The following SIPA1L1 variants were observed in gnomAD, a reference collection of about 807,000 sequenced individuals.
SIPA1L1 encodes the protein signal induced proliferation associated 1 like 1.
In SIPA1L1, 26 loss-of-function variants were observed where a neutral mutation model predicts 162.7. The observed-to-expected ratio is 0.16, with a 90% CI of 0.12 to 0.22. SIPA1L1 has a LOEUF of 0.22. Among genes scored for constraint, SIPA1L1 ranks in the 10% least tolerant of loss-of-function variants. The pLI, the probability that SIPA1L1 is intolerant of heterozygous loss-of-function variation, is 1.00. For missense variants in SIPA1L1, 1,874 were observed against 2,241.0 expected (o/e 0.84, Z 3.31); for synonymous variants, 829 against 837.4 (o/e 0.99, Z 0.17).
At chr14:71,583,688 G>GA (rs1039790281) in intron 4 of SIPA1L1, among the ~76,000 whole-genome samples, 5 of 151,418 alleles carry the variant, frequency 3.3e-5, no homozygotes, top group Non-Finnish European at 7.4e-5. Context: ...ATCATTTCTT[G>GA]AAAAAAAATT....
intron 2 of SIPA1L1, among the ~76,000 whole-genome samples, chr14:71,343,760 A>G (rs2035889772): frequency 1.3e-5 from 2 of 152,236 alleles, no homozygotes; most frequent in Admixed American, 6.5e-5. Flanking sequence ...CATGCTGTGG[A>G]AGCAGCATCT....
intron 4 of SIPA1L1, among the ~76,000 whole-genome samples, chr14:71,569,453 AC>A (rs1434661321): frequency 2.6e-5 from 4 of 152,152 alleles, no homozygotes; most frequent in Admixed American, 2.6e-4. Context: ...ATTATTTGAA[AC>A]CTTTGTTGCT....
At chr14:71,639,236 G>A (rs543414034) in intron 7 of SIPA1L1, among the ~76,000 whole-genome samples, 59 of 152,248 alleles carry the variant, frequency 3.9e-4, no homozygotes, top group Middle Eastern at 3.4e-3. Flanking sequence ...GTGAGATCCT[G>A]TTTCTGCAAA....
intron 5 of SIPA1L1, among the ~76,000 whole-genome samples, chr14:71,602,738 G>GCAGGAGGTGAGCAA (rs2036928351): frequency 1.3e-5 from 2 of 152,250 alleles, no homozygotes. Flanking sequence ...GAGGTGAGCA[G>GCAGGAGGTGAGCAA]CAGGTGAGCC....
intron 7 of SIPA1L1, among the ~76,000 whole-genome samples, chr14:71,642,375 C>T (rs772464975): frequency 1.3e-5 from 2 of 152,052 alleles, no homozygotes; most frequent in Admixed American, 6.6e-5. Context: ...AGGAGAGAGC[C>T]GTAAACAGTC....
chr14:71,551,210 G>A (rs2055794370), intron 4 of SIPA1L1, among the ~76,000 whole-genome samples: 1 of 152,158 alleles, frequency 6.6e-6, no homozygotes, highest in African/African-American at 2.4e-5. Flanking sequence ...GGAATTGGAA[G>A]CTGTAGTGAG....
At chr14:71,548,636 C>T (rs1290923894) in intron 4 of SIPA1L1, among the ~76,000 whole-genome samples, 1 of 152,040 alleles carries the variant, frequency 6.6e-6, no homozygotes, top group African/African-American at 2.4e-5. Context: ...GTGACTCACA[C>T]CTGTAATCTC....
At chr14:71,696,568 T>G (rs2081646105) in intron 13 of SIPA1L1, among the ~76,000 whole-genome samples, 1 of 152,220 alleles carries the variant, frequency 6.6e-6, no homozygotes, top group Admixed American at 6.5e-5. Context: ...CCACCATAGT[T>G]GAGAACTCCT....
intron 4 of SIPA1L1, among the ~76,000 whole-genome samples, chr14:71,563,459 A>G (rs571591457): frequency 1.3e-5 from 2 of 152,194 alleles, no homozygotes; most frequent in African/African-American, 4.8e-5. Context: ...TTGTTTTTGC[A>G]CTTATATTAC....
chr14:71,436,710 C>T (rs1482526418), intron 2 of SIPA1L1, among the ~76,000 whole-genome samples: 1 of 151,532 alleles, frequency 6.6e-6, no homozygotes, highest in African/African-American at 2.4e-5. Flanking sequence ...TTATAATTGC[C>T]CTCATTGTTC....
intron 2 of SIPA1L1, among the ~76,000 whole-genome samples, chr14:71,453,007 A>G (rs1242343288): frequency 2.0e-5 from 3 of 152,156 alleles, no homozygotes; most frequent in Non-Finnish European, 4.4e-5. Context: ...ACAACATCCA[A>G]ATTTTGCTGC....
At chr14:71,500,016 T>A (rs2050079833) in intron 2 of SIPA1L1, among the ~76,000 whole-genome samples, 1 of 152,218 alleles carries the variant, frequency 6.6e-6, no homozygotes, top group Non-Finnish European at 1.5e-5. Flanking sequence ...TAAACTTCTT[T>A]AAAATATCTA....
At chr14:71,573,764 C>A in intron 4 of SIPA1L1, 1 of 455,182 alleles carries the variant, frequency 2.2e-6, no homozygotes, top group South Asian at 1.6e-5. Flanking sequence ...AGCGACATGT[C>A]TATTTTAACT....
At chr14:71,610,729 T>G (rs1280790363) in intron 5 of SIPA1L1, among the ~76,000 whole-genome samples, 1 of 152,214 alleles carries the variant, frequency 6.6e-6, no homozygotes, top group African/African-American at 2.4e-5. Context: ...CTTTAATCAT[T>G]TAGATGCAAT....
chr14:71,515,208 A>G (rs976878146), intron 3 of SIPA1L1, among the ~76,000 whole-genome samples: 1 of 152,368 alleles, frequency 6.6e-6, no homozygotes, highest in Non-Finnish European at 1.5e-5. Context: ...GAGGAAAGCA[A>G]ACATTGCTTT....
intron 2 of SIPA1L1, among the ~76,000 whole-genome samples, chr14:71,488,306 A>T (rs1042136890): frequency 4.6e-5 from 7 of 151,884 alleles, no homozygotes; most frequent in Non-Finnish European, 1.0e-4. Context: ...TTTGGCTTAA[A>T]ATATATATAT....
intron 4 of SIPA1L1, chr14:71,576,394 T>C (rs188669608): frequency 2.0e-5 from 3 of 152,330 alleles, no homozygotes; most frequent in Non-Finnish European, 4.4e-5. Context: ...GATGCATACA[T>C]AACTGGTTAC....
chr14:71,360,094 G>A (rs879648242), intron 2 of SIPA1L1, among the ~76,000 whole-genome samples: 1 of 152,178 alleles, frequency 6.6e-6, no homozygotes, highest in Non-Finnish European at 1.5e-5. Context: ...ATCTAGATGT[G>A]AGAGTACATT....
chr14:71,692,756 T>C (rs1480567226), intron 13 of SIPA1L1, among the ~76,000 whole-genome samples: 1 of 152,224 alleles, frequency 6.6e-6, no homozygotes, highest in Non-Finnish European at 1.5e-5. Flanking sequence ...TCATCATTCC[T>C]TGGGCCTCGA....
Sources: gnomAD v4.1 joint callset for allele counts (sites outside exome capture counted in the v4.1 genomes callset) on GRCh38, gnomAD v4.1.1 for gene constraint, MANE v1.5 for transcripts, NCBI Gene and HGNC (gene_info 2026-07-23, HGNC 2026-07-21) for gene names.